The following PTP4A3 variants were observed in gnomAD, a reference collection of about 807,000 sequenced individuals.
PTP4A3 encodes the protein protein tyrosine phosphatase type IVA 3.
A neutral mutation model predicts 15.2 loss-of-function variants in PTP4A3; 9 were observed. The observed-to-expected ratio is 0.59, with a 90% CI of 0.36 to 1.03. PTP4A3 has a LOEUF of 1.03. PTP4A3 is among the 50% of genes least tolerant of loss of function. The pLI is 0.02. For synonymous variants in PTP4A3, 95 were observed against 102.0 expected, an observed-to-expected ratio of 0.93 and a Z score of 0.41; for missense variants, 234 against 252.1, an observed-to-expected ratio of 0.93 and a Z score of 0.49.
At position 141,422,157 on chromosome 8, in the gene PTP4A3, TG is replaced by T. The variant is rs1563736410; in HGVS notation, c.-79del. The T allele has an allele frequency of 7.7e-7, 1 of 1,290,704 alleles. No homozygotes were observed. Among genetic ancestry groups the T allele is most frequent in the Non-Finnish European group, 1.1e-6 (1 of 899,412 alleles). 80.0% of individuals were successfully genotyped at this position (1,290,704 alleles called of 1,614,324 possible). On this transcript the variant is annotated 5_prime_UTR_variant, in exon 2 of 6. Coordinates refer to ENST00000521578, the MANE Select transcript of PTP4A3 (RefSeq NM_032611.3). Reference sequence around the variant, plus strand: ...CAGGGATCTCGTTCTCCTCATTTTTTGGGGGTGTGTGGGGACTTCTCAGGTC... The same window carrying T: ...CAGGGATCTCGTTCTCCTCATTTTTTGGGGTGTGTGGGGACTTCTCAGGTC...
At chr8:141,428,370 G>A (rs1254428725) in intron 5 of PTP4A3, among the ~76,000 whole-genome samples, 1 of 151,878 alleles carries the variant, frequency 6.6e-6, no homozygotes, top group Non-Finnish European at 1.5e-5. Flanking sequence ...CCCTGGGGAG[G>A]GCTGCCATCT....
In PTP4A3 at chr8:141,431,126, C is replaced by T; in HGVS notation, c.*82C>T. The T allele has an allele frequency of 7.2e-7, 1 of 1,379,504 alleles. No individual in the cohort carries two copies. The highest frequency in any genetic ancestry group is 1.0e-6 in the Non-Finnish European group (1 of 975,958). The allele number at this position is 1,379,504 out of a possible 1,614,324, so 85.5% of individuals were successfully genotyped here. A position where few individuals can be genotyped will look rare whatever the true frequency, so the allele number is the denominator to read the frequency against. On this transcript the variant is annotated 3_prime_UTR_variant, in exon 6 of 6. Transcript: ENST00000521578. ...GAGGCCCTGCCCAGCCCTGCTCTGC[C>T]CAGCCCAGCAGGGGCTCCAGGCCTT...
At position 141,419,675 on chromosome 8, in the gene PTP4A3, G is replaced by A. The variant is rs569688911; in HGVS notation, c.-853-1713G>A. On this transcript the variant is annotated intron_variant, in intron 1 of 5. Coordinates refer to ENST00000521578, the MANE Select transcript of PTP4A3 (RefSeq NM_032611.3). ...CAACCTCTGCCTCCAGGGTTCAAGC[G>A]ATTCTCCTGCCTCAGCCTCCCGAGT... 4.5e-4 allele frequency among the ~76,000 whole-genome samples: 69 copies of A among 151,884 alleles called. 1 individual carries two copies. Among genetic ancestry groups the A allele is most frequent in the African/African-American group, 1.6e-3 (66 of 41,428 alleles).
chr8:141,426,355 C>T lies in PTP4A3; in HGVS notation c.199-584C>T, dbSNP rs114292702. 6,976 of 847,354 alleles carry T rather than the reference C, an allele frequency of 8.2e-3. 396 individuals are homozygous for T. In the African/African-American group the frequency reaches 0.12, roughly 15 times the overall value. 52.5% of individuals were successfully genotyped at this position (847,354 alleles called of 1,614,324 possible). ...ACAGTGGGAAGCACAGGTCATCTTCCAAGACCAAATTAACCCCCAGGAGCA... is the reference window on the plus strand; with the variant it reads ...ACAGTGGGAAGCACAGGTCATCTTCTAAGACCAAATTAACCCCCAGGAGCA... On this transcript the variant is annotated intron_variant, in intron 3 of 5. Transcript: ENST00000521578.
At chr8:141,430,864 G>C in intron 5 of PTP4A3, 63 bp from the exon 6 acceptor site, 1 of 1,514,812 alleles carries the variant, frequency 6.6e-7, no homozygotes, top group Admixed American at 1.7e-5. Context: ...CAGCTCCCTG[G>C]GGCAGGTGAG....
At chr8:141,427,135 T>C in intron 4 of PTP4A3, 66 bp downstream of exon 4, 3 of 1,566,926 alleles carry the variant, frequency 1.9e-6, no homozygotes, top group Non-Finnish European at 2.6e-6. Context: ...TCTGACAGCC[T>C]CGCTTTTGGA....
chr8:141,396,372 C>T (rs1832451573), intron 1 of PTP4A3, among the ~76,000 whole-genome samples: 1 of 152,192 alleles, frequency 6.6e-6, no homozygotes, highest in Non-Finnish European at 1.5e-5. Context: ...CTGGCCATGC[C>T]TCCTTTTTGG....
chr8:141,408,491 C>T (rs957793772), intron 1 of PTP4A3, among the ~76,000 whole-genome samples: 8 of 151,968 alleles, frequency 5.3e-5, no homozygotes, highest in East Asian at 1.9e-4. Flanking sequence ...TGGTCATGGG[C>T]GCCCGTAATT....
intron 2 of PTP4A3, 100 bp from the exon 3 acceptor site, chr8:141,424,948 G>A: frequency 1.0e-6 from 1 of 983,612 alleles, no homozygotes. Context: ...GGTGACTGTG[G>A]GGGACACAGC....
rs190666309 is a variant in PTP4A3 at position 141,422,816 on chromosome 8, A to G, written c.105+471A>G. On this transcript the variant is annotated intron_variant, in intron 2 of 5. Transcript: ENST00000521578. ...TGTGAGGAGGGACTGAGCAAGGGTC[A>G]GCGCTGACCACAGGAGGGAGGGACC... Among the ~76,000 whole-genome samples the G allele has an allele frequency of 5.7e-3, 863 of 152,330 alleles. 6 individuals carry two copies. The highest frequency in any genetic ancestry group is 0.019 in the African/African-American group (794 of 41,574).
At chr8:141,411,816 G>A (rs1204397256) in intron 1 of PTP4A3, among the ~76,000 whole-genome samples, 1 of 152,046 alleles carries the variant, frequency 6.6e-6, no homozygotes, top group African/African-American at 2.4e-5. Flanking sequence ...GGGTGACCGC[G>A]CCTGCTGGGG....
rs1833534581 is a variant in PTP4A3, at chr8:141,425,629, G to C, written c.198+489G>C. On this transcript the variant is annotated intron_variant, in intron 3 of 5. Transcript: ENST00000521578. The surrounding 1 kb of genome is among the most constrained non-coding windows in gnomAD (Gnocchi z 4.2). Reference sequence around the variant, plus strand: ...GGTTCTGCTGCGATATCCTTGGGGGGGTGGGCCACAGCAGCTGCAGGCCCA... The same window carrying C: ...GGTTCTGCTGCGATATCCTTGGGGGCGTGGGCCACAGCAGCTGCAGGCCCA... 6.6e-6 allele frequency among the ~76,000 whole-genome samples: 1 copy of C among 151,574 alleles called. No individual in the cohort carries two copies. Among genetic ancestry groups the C allele is most frequent in the Non-Finnish European group, 1.5e-5 (1 of 67,792 alleles).
chr8:141,424,418 C>T (rs1052377568), intron 2 of PTP4A3, among the ~76,000 whole-genome samples: 11 of 152,052 alleles, frequency 7.2e-5, no homozygotes, highest in East Asian at 1.9e-4. Flanking sequence ...GCCATCTGAG[C>T]GGTGCCCACC....
chr8:141,402,449 C>G (rs1281755613), intron 1 of PTP4A3, among the ~76,000 whole-genome samples: 1 of 152,194 alleles, frequency 6.6e-6, no homozygotes, highest in Non-Finnish European at 1.5e-5. Context: ...ACTGACAGGC[C>G]TGAGTGTAGC....
chr8:141,426,618 CG>C, intron 3 of PTP4A3: 3 of 985,384 alleles, frequency 3.0e-6, no homozygotes, highest in Non-Finnish European at 3.6e-6. Flanking sequence ...AACCAGAGCT[CG>C]GGCTGACAGG....
chr8:141,393,839 G>A (rs1832367672), intron 1 of PTP4A3, among the ~76,000 whole-genome samples: 4 of 152,260 alleles, frequency 2.6e-5, no homozygotes, highest in Admixed American at 2.6e-4. Flanking sequence ...TCTCAGACAA[G>A]TGGGCAGTTT....
chr8:141,431,098 C>T lies in PTP4A3; in HGVS notation c.*54C>T, dbSNP rs775234733. The T allele has an allele frequency of 6.4e-6, 10 of 1,554,710 alleles. 1 individual carries two copies. Among genetic ancestry groups the T allele is most frequent in the Admixed American group, 3.3e-5 (2 of 59,746 alleles). On this transcript the variant is annotated 3_prime_UTR_variant, in exon 6 of 6. Transcript: ENST00000521578. ...ATGTAGGTCAGGACCTTGGCTGGACCTGGAGGCCCTGCCCAGCCCTGCTCT... is the reference window on the plus strand; with the variant it reads ...ATGTAGGTCAGGACCTTGGCTGGACTTGGAGGCCCTGCCCAGCCCTGCTCT...
intron 1 of PTP4A3, among the ~76,000 whole-genome samples, chr8:141,411,577 C>A (rs767579304): frequency 6.6e-6 from 1 of 152,230 alleles, no homozygotes; most frequent in African/African-American, 2.4e-5. Context: ...AAGAGGCCTA[C>A]GTGCATGCCG....
chr8:141,415,026 C>T (rs1224726641), intron 1 of PTP4A3, among the ~76,000 whole-genome samples: 1 of 151,406 alleles, frequency 6.6e-6, no homozygotes, highest in Non-Finnish European at 1.5e-5. Flanking sequence ...TGGCGGGGGG[C>T]CTGGGTGGGG....
Sources: gnomAD v4.1 joint callset for allele counts (sites outside exome capture counted in the v4.1 genomes callset) on GRCh38, gnomAD v4.1.1 for gene constraint, Gnocchi (gnomAD v3.1) non-coding constraint, MANE v1.5 for transcripts, NCBI Gene and HGNC (gene_info 2026-07-23, HGNC 2026-07-21) for gene names.